IL4I1: variants seen among roughly 807,000 people sequenced by gnomAD.
IL4I1 encodes the protein L-amino-acid oxidase.
A neutral mutation model predicts 29.7 loss-of-function variants in IL4I1; 24 were observed. The observed-to-expected ratio is 0.81, with a 90% CI of 0.59 to 1.14. The LOEUF is 1.14. Among genes scored for constraint, IL4I1 ranks in the 50% most tolerant of loss-of-function variants. IL4I1 has a pLI of 0.00. For synonymous variants in IL4I1, 371 were observed against 352.5 expected, an observed-to-expected ratio of 1.05 and a Z score of -0.59; for missense variants, 686 against 785.6, an observed-to-expected ratio of 0.87 and a Z score of 1.52.
chr19:49,913,398 G>C (rs1427681246), intron 2 of IL4I1, among the ~76,000 whole-genome samples: 2 of 152,126 alleles, frequency 1.3e-5, no homozygotes, highest in East Asian at 3.9e-4. Context: ...GGCCACTCTA[G>C]AGAGTCCATG....
chr19:49,909,856 C>T (rs756579406), intron 2 of IL4I1: 18 of 1,586,072 alleles, frequency 1.1e-5, no homozygotes, highest in East Asian at 2.2e-5. Context: ...AAAGCAAATC[C>T]GTCGGTGTCT....
At chr19:49,914,726 GTTTTTTTTTTTTTTTTTTTTT>G (rs530372497) in intron 2 of IL4I1, among the ~76,000 whole-genome samples, 1 of 56,362 alleles carries the variant, frequency 1.8e-5, no homozygotes, top group African/African-American at 6.5e-5. Flanking sequence ...CCAAGTCCCA[GTTTTTTTTTTTTTTTTTTTTT>G]TTTTTTTTTT....
At position 49,889,987 on chromosome 19, in the gene IL4I1, G is replaced by T. The variant is rs1275275958; in HGVS notation, c.1387C>A (p.Gln463Lys). 6.4e-7 allele frequency: 1 copy of T among 1,564,186 alleles called. No homozygotes were observed. The highest frequency in any genetic ancestry group is 8.7e-7 in the Non-Finnish European group (1 of 1,154,622). ...GFVVQPPALW[Q>K]TEKDDWTVPY... ...ACCGTCCAGTCATCCTTTTCGGTTTGCCAGAGCGCCGGCGGCTGTACCACA... is the reference window on the plus strand; with the variant it reads ...ACCGTCCAGTCATCCTTTTCGGTTTTCCAGAGCGCCGGCGGCTGTACCACA... Residue 463 changes from glutamine to lysine, a missense_variant, in exon 8 of 8, where the codon CAA becomes AAA. By Grantham distance (53) the Gln-to-Lys change is moderately conservative. Coordinates refer to ENST00000391826, the MANE Select transcript of IL4I1 (RefSeq NM_152899.2).
At chr19:49,897,340 C>T (rs1409382545), upstream of IL4I1, among the ~76,000 whole-genome samples, 1 of 152,198 alleles carries the variant, frequency 6.6e-6, no homozygotes, top group Non-Finnish European at 1.5e-5. Context: ...TCCCTCTCCA[C>T]TTGCCACCCA....
At chr19:49,911,440 C>T (rs536493315) in intron 2 of IL4I1, 1 of 152,322 alleles carries the variant, frequency 6.6e-6, no homozygotes, top group East Asian at 1.9e-4. Flanking sequence ...GAAACACCCA[C>T]GAGGTCTGTT....
intron 7 of IL4I1, 119 bp downstream of exon 7, chr19:49,890,852 A>T: frequency 1.1e-6 from 1 of 908,494 alleles, no homozygotes; most frequent in Non-Finnish European, 1.6e-6. Context: ...CGCGACCATC[A>T]ATTAGGCCAC....
chr19:49,927,857 G>A (rs985666273), intron 1 of IL4I1: 1 of 152,308 alleles, frequency 6.6e-6, no homozygotes, highest in African/African-American at 2.4e-5. Context: ...GGCTGGTGGA[G>A]GAGGGCCCAG....
chr19:49,913,604 T>C lies in IL4I1; in HGVS notation c.-227-9283A>G, dbSNP rs575102635. ...TGAGCACTGTCCGCGGGACTCTCTC[T>C]ACCTGCAGAGGAGAGCTGGAAGCTC... On this transcript the variant is annotated intron_variant, in intron 2 of 9. Coordinates refer to the IL4I1 transcript ENST00000341114. Among the ~76,000 whole-genome samples the C allele has an allele frequency of 2.6e-5, 4 of 152,362 alleles. No homozygotes were observed. The East Asian group carries it at 7.7e-4, about 29-fold the overall frequency.
At chr19:49,900,755 C>G (rs1287570570), upstream of IL4I1, among the ~76,000 whole-genome samples, 1 of 152,154 alleles carries the variant, frequency 6.6e-6, no homozygotes, top group East Asian at 1.9e-4. Flanking sequence ...AGTCAAGTAT[C>G]TGTTGACTTC....
At chr19:49,910,858 A>C (rs2075445529) in intron 2 of IL4I1, among the ~76,000 whole-genome samples, 2 of 152,214 alleles carry the variant, frequency 1.3e-5, no homozygotes, top group Admixed American at 6.5e-5. Flanking sequence ...CAGGAAGGTC[A>C]AAGGTTACCT....
chr19:49,916,733 C>T (rs1326330476), intron 2 of IL4I1, among the ~76,000 whole-genome samples: 3 of 151,710 alleles, frequency 2.0e-5, no homozygotes, highest in Non-Finnish European at 4.4e-5. Context: ...CACTGCACTC[C>T]AGCCTGGGAG....
rs1275367093 is a variant in IL4I1 at position 49,890,566 on chromosome 19, G to A, written c.808C>T (p.Pro270Ser). 5 of 1,590,036 alleles carry A rather than the reference G, an allele frequency of 3.1e-6. 1 individual carries two copies. The South Asian group carries it at 4.4e-5, about 14-fold the overall frequency. The change falls in exon 8 of 8, where the codon CCG (proline) becomes TCG (serine). Residue 270 changes from proline (P) to serine (S), a missense_variant. Coordinates refer to ENST00000391826, the MANE Select transcript of IL4I1 (RefSeq NM_152899.2). Reference protein sequence around the residue: ...SRIVGGWDLLPRALLSSLSGL... With the variant: ...SRIVGGWDLLSRALLSSLSGL... ...GACAGCGAGCTCAGCAGCGCGCGCG[G>A]CAGCAGGTCCCAGCCACCCACGATG...
At chr19:49,909,596 G>A (rs769088748) in intron 2 of IL4I1, 7 of 1,614,054 alleles carry the variant, frequency 4.3e-6, no homozygotes, top group East Asian at 2.2e-5. Flanking sequence ...GAAGCCTGTC[G>A]TCTGTGTGGC....
chr19:49,914,743 T>G (rs1396597437), intron 2 of IL4I1, among the ~76,000 whole-genome samples: 32 of 129,408 alleles, frequency 2.5e-4, no homozygotes, highest in Non-Finnish European at 4.0e-4. Flanking sequence ...TTTTTTTTTT[T>G]TTTTTTTTTT....
intron 2 of IL4I1, among the ~76,000 whole-genome samples, chr19:49,920,274 G>A (rs1415801173): frequency 1.3e-5 from 2 of 152,162 alleles, no homozygotes; most frequent in Middle Eastern, 3.2e-3. Flanking sequence ...GTAGAGACGG[G>A]GTTTCGCCAT....
rs3786665 is a variant in IL4I1, at chr19:49,921,775, C to T, written c.-228+5919G>A. Among the ~76,000 whole-genome samples, 49,650 of 151,918 alleles carry T rather than the reference C, an allele frequency of 0.33. 8,442 individuals carry two copies. The highest frequency in any genetic ancestry group is 0.41 in the East Asian group (2,095 of 5,146). Reference sequence around the variant, plus strand: ...CTCTCCCCGCAGCTCCGACCATGACCATCCATCCTATGAGTGCTGGCTGGG... The same window carrying T: ...CTCTCCCCGCAGCTCCGACCATGACTATCCATCCTATGAGTGCTGGCTGGG... On this transcript the variant is annotated intron_variant, in intron 2 of 9. Coordinates refer to the IL4I1 transcript ENST00000341114. The surrounding 1 kb of genome is among the most constrained non-coding windows in gnomAD (Gnocchi z 5.4).
chr19:49,917,613 C>G (rs1276418488), intron 2 of IL4I1: 1 of 152,368 alleles, frequency 6.6e-6, no homozygotes, highest in African/African-American at 2.4e-5. Context: ...CTCACCGAGA[C>G]TCTGTGTGGG....
At position 49,921,644 on chromosome 19, in the gene IL4I1, C is replaced by T; in HGVS notation, c.-228+6050G>A. Among the ~76,000 whole-genome samples the T allele has an allele frequency of 6.6e-6, 1 of 152,222 alleles. No homozygotes were observed. The highest frequency in any genetic ancestry group is 1.9e-4 in the East Asian group (1 of 5,194). On this transcript the variant is annotated intron_variant, in intron 2 of 9. Transcript: ENST00000341114. This position sits in a 1 kb window ranked among gnomAD's most constrained non-coding sequence, Gnocchi z 5.4. The stretch of plus-strand genomic sequence containing the variant: ...CTAAGGCCTGGCGCTCTGATGGCCG[C>T]TGACCTCAAAACTCTCCATGGGGGG...
rs149122328 is a variant in IL4I1, at chr19:49,896,167, C to T, written c.-7G>A. On this transcript the variant is annotated 5_prime_UTR_variant, in exon 2 of 8. Transcript: ENST00000391826. ...ACTCACCCAATGGGGCCATGACTCT[C>T]GGTGGGAGATGGTGTCTGGGGTGGA... 5.6e-4 allele frequency: 849 copies of T among 1,524,652 alleles called. 1 individual carries two copies. The highest frequency in any genetic ancestry group is 4.1e-3 in the Middle Eastern group (23 of 5,674). The allele number at this position is 1,524,652 out of a possible 1,614,324, so 94.4% of individuals were successfully genotyped here. A position where few individuals can be genotyped will look rare whatever the true frequency, so the allele number is the denominator to read the frequency against.
Sources: gnomAD v4.1 joint callset for allele counts (sites outside exome capture counted in the v4.1 genomes callset) on GRCh38, gnomAD v4.1.1 for gene constraint, Gnocchi (gnomAD v3.1) non-coding constraint, MANE v1.5 for transcripts, NCBI Gene and HGNC (gene_info 2026-07-23, HGNC 2026-07-21) for gene names.